ARMC9: variants seen among roughly 807,000 people sequenced by gnomAD.
The protein encoded by ARMC9 is lisH domain-containing protein ARMC9.
ARMC9 carries 94 observed loss-of-function variants against 107.0 expected under a neutral mutation model. That is an observed-to-expected ratio of 0.88 (90% CI 0.74 to 1.04). The LOEUF is 1.04. ARMC9 is among the 50% of genes least tolerant of loss of function. The probability of loss-of-function intolerance (pLI) is 0.00; values close to 1 mark genes in which losing one functional copy is unlikely to be tolerated. For synonymous variants in ARMC9, 380 were observed against 396.9 expected (o/e 0.96, Z 0.51); for missense variants, 942 against 1,030.1 (o/e 0.91, Z 1.17).
At chr2:231,365,807 C>CT (rs372590301) in intron 23 of ARMC9, among the ~76,000 whole-genome samples, 2,103 of 151,010 alleles carry the variant, frequency 0.014, 48 homozygotes, top group African/African-American at 0.044. Flanking sequence ...GTTTCTTTTT[C>CT]TTTTTTTTTG....
At chr2:231,232,545 A>G (rs2035329663) in intron 7 of ARMC9, among the ~76,000 whole-genome samples, 2 of 149,296 alleles carry the variant, frequency 1.3e-5, no homozygotes, top group East Asian at 2.0e-4. Context: ...TCCACCTCCC[A>G]GGTTCAAGCG....
In ARMC9 at chr2:231,371,688, C is replaced by A; in HGVS notation, c.*153C>A. ...GCCGGCTCTCCAGGCAGCACCAGAGCAAGGCCATCGCAGCCCCGCCAGCCG... is the reference window on the plus strand; with the variant it reads ...GCCGGCTCTCCAGGCAGCACCAGAGAAAGGCCATCGCAGCCCCGCCAGCCG... On this transcript the variant is annotated 3_prime_UTR_variant, in exon 25 of 25. Transcript: ENST00000611582. The A allele has an allele frequency of 1.3e-6, 1 of 786,880 alleles. No homozygotes were observed. The highest frequency in any genetic ancestry group is 1.7e-6 in the Non-Finnish European group (1 of 581,846). 48.7% of individuals were successfully genotyped at this position (786,880 alleles called of 1,614,324 possible).
chr2:231,349,478 C>T (rs2044952562), intron 21 of ARMC9, among the ~76,000 whole-genome samples: 1 of 151,680 alleles, frequency 6.6e-6, no homozygotes, highest in Non-Finnish European at 1.5e-5. Context: ...GTTAATGGTG[C>T]CAAAAAAACA....
intron 6 of ARMC9, among the ~76,000 whole-genome samples, chr2:231,226,526 A>T (rs1350986796): frequency 6.6e-6 from 1 of 152,162 alleles, no homozygotes; most frequent in African/African-American, 2.4e-5. Flanking sequence ...ATAGTGCAAG[A>T]CTTGAATTCA....
At chr2:231,369,857 G>A (rs1179757700) in intron 23 of ARMC9, 96 bp from the exon 24 acceptor site, 3 of 1,276,372 alleles carry the variant, frequency 2.4e-6, no homozygotes, top group African/African-American at 1.5e-5. Context: ...GCCTCTCAGA[G>A]TGCTGGGATT....
intron 5 of ARMC9, among the ~76,000 whole-genome samples, chr2:231,222,491 A>T (rs563735274): frequency 4.4e-4 from 67 of 152,184 alleles, no homozygotes; most frequent in African/African-American, 1.6e-3. Context: ...GTTCAGGGTT[A>T]TTTTTTCCCT....
chr2:231,274,529 T>C (rs1030513790), intron 14 of ARMC9, among the ~76,000 whole-genome samples: 17 of 152,338 alleles, frequency 1.1e-4, no homozygotes, highest in African/African-American at 3.6e-4. Flanking sequence ...TGTGGACATA[T>C]GTTTCTTTTT....
At chr2:231,278,170 T>A (rs750016888) in intron 15 of ARMC9, among the ~76,000 whole-genome samples, 1 of 152,146 alleles carries the variant, frequency 6.6e-6, no homozygotes, top group Non-Finnish European at 1.5e-5. Flanking sequence ...TTGCATCACC[T>A]TTTGAGGTAG....
At position 231,376,827 on chromosome 2, in the gene ARMC9, G is replaced by A. The variant is rs1015580602; in HGVS notation, c.*5292G>A. On this transcript the variant is annotated 3_prime_UTR_variant, in exon 25 of 25. Transcript: ENST00000611582. Reference sequence around the variant, plus strand: ...CCTACCAACGTGTGATGTCTCCCCCGGACACCCAGCTTTACAATTTCTCTC... The same window carrying A: ...CCTACCAACGTGTGATGTCTCCCCCAGACACCCAGCTTTACAATTTCTCTC... Among the ~76,000 whole-genome samples, 7 of 151,938 alleles carry A rather than the reference G, an allele frequency of 4.6e-5. No homozygotes were observed. Among genetic ancestry groups the A allele is most frequent in the Non-Finnish European group, 8.8e-5 (6 of 68,004 alleles).
chr2:231,320,524 G>C (rs1414776134), intron 19 of ARMC9, among the ~76,000 whole-genome samples: 1 of 149,766 alleles, frequency 6.7e-6, no homozygotes, highest in Admixed American at 6.7e-5. Context: ...TGACAGAGAT[G>C]TGAACAGCAA....
At chr2:231,270,290 A>C (rs1483693687) in intron 12 of ARMC9, among the ~76,000 whole-genome samples, 3 of 152,230 alleles carry the variant, frequency 2.0e-5, no homozygotes, top group Non-Finnish European at 4.4e-5. Context: ...CCAGATCCAC[A>C]GACCCTTTGT....
In ARMC9 at chr2:231,371,607, G is replaced by A; in HGVS notation, c.*72G>A. 8.3e-7 allele frequency: 1 copy of A among 1,208,916 alleles called. No individual in the cohort carries two copies. The highest frequency in any genetic ancestry group is 1.0e-6 in the Non-Finnish European group (1 of 965,564). The allele number at this position is 1,208,916 out of a possible 1,614,324, so 74.9% of individuals were successfully genotyped here. ...TTCCCGCTCTCAGCTGGCAGCAGCT[G>A]CCGGTGATGGATGTGAAGGGACAGT... On this transcript the variant is annotated 3_prime_UTR_variant, in exon 25 of 25. Transcript: ENST00000611582.
At chr2:231,207,554 C>G (rs1220688227) in intron 2 of ARMC9, among the ~76,000 whole-genome samples, 1 of 151,386 alleles carries the variant, frequency 6.6e-6, no homozygotes, top group African/African-American at 2.4e-5. Context: ...CTGCTCACTG[C>G]AACCTCCACC....
intron 1 of ARMC9, among the ~76,000 whole-genome samples, chr2:231,204,506 C>T (rs1313262806): frequency 2.0e-5 from 3 of 152,170 alleles, no homozygotes; most frequent in Non-Finnish European, 4.4e-5. Flanking sequence ...ATACCCGTCT[C>T]CTTCAGGTTC....
intron 19 of ARMC9, among the ~76,000 whole-genome samples, chr2:231,327,867 C>G (rs1272642493): frequency 1.3e-5 from 2 of 152,132 alleles, no homozygotes; most frequent in Non-Finnish European, 2.9e-5. Context: ...TCACTGCAAC[C>G]TCTGCCTCCC....
intron 20 of ARMC9, among the ~76,000 whole-genome samples, chr2:231,341,182 A>T (rs568299680): frequency 1.3e-4 from 20 of 152,322 alleles, no homozygotes; most frequent in African/African-American, 4.8e-4. Flanking sequence ...GCAGAGCAAG[A>T]CCTTGTCTAA....
intron 14 of ARMC9, 38 bp downstream of exon 14, chr2:231,273,116 G>A (rs771124300): frequency 6.3e-7 from 1 of 1,585,624 alleles, no homozygotes. Flanking sequence ...TCTCCTGTGA[G>A]ATCAGATTGA....
rs550590813 is a variant in ARMC9 at position 231,376,100 on chromosome 2, C to G, written c.*4565C>G. Reference sequence around the variant, plus strand: ...TTCCTATGCCTGTCTTTACTTTAATCTCTTAATCCTGTCAGCTGAGGGGGA... The same window carrying G: ...TTCCTATGCCTGTCTTTACTTTAATGTCTTAATCCTGTCAGCTGAGGGGGA... On this transcript the variant is annotated 3_prime_UTR_variant, in exon 25 of 25. Coordinates refer to ENST00000611582, the MANE Select transcript of ARMC9 (RefSeq NM_001352754.2). Among the ~76,000 whole-genome samples, 6 of 152,278 alleles carry G rather than the reference C, an allele frequency of 3.9e-5. No individual in the cohort carries two copies. In the South Asian group the frequency reaches 1.2e-3, roughly 32 times the overall value.
chr2:231,203,776 G>C (rs562635935), intron 1 of ARMC9, among the ~76,000 whole-genome samples: 1 of 152,036 alleles, frequency 6.6e-6, no homozygotes, highest in African/African-American at 2.4e-5. Flanking sequence ...CCTGGCCAAC[G>C]TGGTAAAACC....
Sources: allele counts gnomAD v4.1 joint callset (sites outside exome capture counted in the v4.1 genomes callset), GRCh38; gene constraint gnomAD v4.1.1; transcripts MANE v1.5; gene names NCBI Gene and HGNC (gene_info 2026-07-23, HGNC 2026-07-21).